The following LRP1B variants were observed in gnomAD, a reference collection of about 807,000 sequenced individuals.
LRP1B encodes the protein low-density lipoprotein receptor-related protein 1B.
In LRP1B, 217 loss-of-function variants were observed where a neutral mutation model predicts 556.6. The ratio of observed to expected loss-of-function variants is 0.39; its 90% CI spans 0.35 to 0.44. The LOEUF (loss-of-function observed/expected upper bound fraction) is 0.44, where lower values mean the gene tolerates loss of function less well. LRP1B is among the 20% of genes least tolerant of loss of function. The pLI, the probability that LRP1B is intolerant of heterozygous loss-of-function variation, is 1.00. For synonymous variants in LRP1B, 2,047 were observed against 1,865.8 expected (o/e 1.10, Z -2.50); for missense variants, 5,053 against 5,620.8 (o/e 0.90, Z 3.23).
intron 1 of LRP1B, among the ~76,000 whole-genome samples, chr2:141,953,738 T>G (rs907431950): frequency 1.3e-5 from 2 of 152,112 alleles, no homozygotes; most frequent in African/African-American, 4.8e-5. Context: ...TCTTTAAAAC[T>G]CCACAGTAAC....
intron 10 of LRP1B, among the ~76,000 whole-genome samples, chr2:141,049,461 A>G (rs1337429318): frequency 6.6e-6 from 1 of 152,108 alleles, no homozygotes; most frequent in East Asian, 1.9e-4. Context: ...TTTGTCTGTA[A>G]CTGTCTGGAT....
rs1442547687 is a variant in LRP1B, at chr2:140,971,721, C to A, written c.2887+10439G>T. Reference sequence around the variant, plus strand: ...TGGTGGCGGGCGCCTGTAGTCCCAGCTACTCAGGAGGCTGAGGCAGGAGAA... The same window carrying A: ...TGGTGGCGGGCGCCTGTAGTCCCAGATACTCAGGAGGCTGAGGCAGGAGAA... On this transcript the variant is annotated intron_variant, in intron 18 of 90. Transcript: ENST00000389484. Among the ~76,000 whole-genome samples the A allele has an allele frequency of 2.0e-5, 3 of 152,276 alleles. No homozygotes were observed. The East Asian group carries it at 5.8e-4, about 29-fold the overall frequency.
chr2:141,698,074 A>C (rs745443345), intron 2 of LRP1B, among the ~76,000 whole-genome samples: 1 of 151,876 alleles, frequency 6.6e-6, no homozygotes, highest in Non-Finnish European at 1.5e-5. Flanking sequence ...GCTTTTTCAG[A>C]GAAAAGCTTA....
intron 83 of LRP1B, among the ~76,000 whole-genome samples, chr2:140,304,315 C>A (rs569385610): frequency 1.3e-5 from 2 of 152,164 alleles, no homozygotes; most frequent in Non-Finnish European, 2.9e-5. Flanking sequence ...TCCTCTCCAG[C>A]ACCTGTTGTT....
chr2:141,313,428 AG>A (rs1686886031), intron 3 of LRP1B, among the ~76,000 whole-genome samples: 9 of 152,184 alleles, frequency 5.9e-5, no homozygotes, highest in Admixed American at 5.9e-4. Context: ...TTTTTATGTG[AG>A]GGGTGCAAAA....
chr2:141,312,162 T>C (rs1427601254), intron 3 of LRP1B, among the ~76,000 whole-genome samples: 1 of 152,162 alleles, frequency 6.6e-6, no homozygotes, highest in Non-Finnish European at 1.5e-5. Context: ...CTGGCTGTCC[T>C]GCTGCTTCCT....
chr2:142,087,611 G>A (rs1013142000), intron 1 of LRP1B, among the ~76,000 whole-genome samples: 3 of 150,894 alleles, frequency 2.0e-5, no homozygotes, highest in Non-Finnish European at 3.0e-5. Context: ...ATATTACAAT[G>A]AATACAAATA....
At chr2:140,604,405 G>A (rs1682791380) in intron 41 of LRP1B, among the ~76,000 whole-genome samples, 1 of 151,912 alleles carries the variant, frequency 6.6e-6, no homozygotes, top group African/African-American at 2.4e-5. Context: ...CCTATTTCCT[G>A]GATTCTAGTT....
chr2:140,820,729 C>G (rs1393760603), intron 31 of LRP1B, among the ~76,000 whole-genome samples: 2 of 151,922 alleles, frequency 1.3e-5, no homozygotes, highest in African/African-American at 4.8e-5. Flanking sequence ...TGGATTGTGT[C>G]ACTTAAATAT....
At chr2:140,562,697 T>C (rs1680975264) in intron 43 of LRP1B, among the ~76,000 whole-genome samples, 1 of 152,198 alleles carries the variant, frequency 6.6e-6, no homozygotes, top group Non-Finnish European at 1.5e-5. Context: ...CTTGGCTCAT[T>C]GCAACCTCCA....
chr2:141,647,624 G>T (rs1012502390), intron 2 of LRP1B, among the ~76,000 whole-genome samples: 5 of 150,094 alleles, frequency 3.3e-5, no homozygotes, highest in Non-Finnish European at 7.4e-5. Flanking sequence ...TTTATTTATT[G>T]TTCTGTTTAC....
intron 83 of LRP1B, among the ~76,000 whole-genome samples, chr2:140,309,972 T>C (rs572894650): frequency 1.3e-4 from 19 of 151,910 alleles, no homozygotes; most frequent in African/African-American, 4.3e-4. Context: ...TCAAAAAGTG[T>C]TCATATTTAG....
At chr2:142,003,670 G>A (rs1411887257) in intron 1 of LRP1B, among the ~76,000 whole-genome samples, 1 of 152,190 alleles carries the variant, frequency 6.6e-6, no homozygotes, top group Non-Finnish European at 1.5e-5. Flanking sequence ...AGGGTGGAAT[G>A]GAAGAACGAG....
intron 2 of LRP1B, among the ~76,000 whole-genome samples, chr2:141,576,729 A>C (rs1355343562): frequency 6.9e-6 from 1 of 145,726 alleles, no homozygotes; most frequent in Non-Finnish European, 1.5e-5. Flanking sequence ...ATGCCAGCCT[A>C]GGCAGCAGAG....
chr2:141,545,741 A>G (rs985609309), intron 2 of LRP1B, among the ~76,000 whole-genome samples: 2 of 152,176 alleles, frequency 1.3e-5, no homozygotes, highest in African/African-American at 4.8e-5. Flanking sequence ...ATAAAGAGAC[A>G]TGGCAACGGA....
chr2:140,311,489 ATGT>A, intron 83 of LRP1B, among the ~76,000 whole-genome samples: 1 of 151,872 alleles, frequency 6.6e-6, no homozygotes, highest in Non-Finnish European at 1.5e-5. Context: ...ACACGTAGAC[ATGT>A]TGTGGAATAA....
At chr2:140,275,681 G>A (rs1294095570) in intron 84 of LRP1B, among the ~76,000 whole-genome samples, 1 of 151,876 alleles carries the variant, frequency 6.6e-6, no homozygotes, top group Non-Finnish European at 1.5e-5. Context: ...TCATTCATGG[G>A]GAATAATAAC....
chr2:140,819,134 C>T (rs1334858618), intron 31 of LRP1B, among the ~76,000 whole-genome samples: 1 of 151,986 alleles, frequency 6.6e-6, no homozygotes, highest in African/African-American at 2.4e-5. Context: ...AGAATAATGC[C>T]TCATACAGTT....
intron 7 of LRP1B, among the ~76,000 whole-genome samples, chr2:141,150,702 C>T (rs1395219811): frequency 1.3e-5 from 2 of 152,116 alleles, no homozygotes; most frequent in African/African-American, 4.8e-5. Flanking sequence ...TTGCCAAAAG[C>T]CTTAAGTGAC....
Sources: gnomAD v4.1 joint callset for allele counts (sites outside exome capture counted in the v4.1 genomes callset) on GRCh38, gnomAD v4.1.1 for gene constraint, MANE v1.5 for transcripts, NCBI Gene and HGNC (gene_info 2026-07-23, HGNC 2026-07-21) for gene names.